PPP1R16A: variants seen among roughly 807,000 people sequenced by gnomAD.
PPP1R16A encodes the protein protein phosphatase 1 regulatory subunit 16A.
Under a neutral mutation model 46.6 loss-of-function variants are expected in PPP1R16A, and 39 were observed. The observed-to-expected ratio is 0.84, with a 90% CI of 0.65 to 1.09. The LOEUF (loss-of-function observed/expected upper bound fraction) is 1.09, where lower values mean the gene tolerates loss of function less well. PPP1R16A is among the 50% of genes least tolerant of loss of function. PPP1R16A has a pLI of 0.00. For synonymous variants in PPP1R16A, 413 were observed against 321.5 expected (o/e 1.28, Z -3.04); for missense variants, 798 against 735.6 (o/e 1.08, Z -0.98).
chr8:144,499,167 G>A (rs1392978901), intron 5 of PPP1R16A, 106 bp downstream of exon 5: 7 of 1,362,736 alleles, frequency 5.1e-6, no homozygotes, highest in Non-Finnish European at 5.8e-6. Context: ...CTGTGTTCCC[G>A]CCTTCACCTT....
chr8:144,497,009 C>A lies in PPP1R16A; in HGVS notation c.-186C>A, dbSNP rs1482306699. ...GCCCTCCCTGCCCCGGCCCATGCCC[C>A]CCAGGGCTGCCTGGGCCTGGTTATT... On this transcript the variant is annotated 5_prime_UTR_variant, in exon 3 of 12. Transcript: ENST00000435887. 7.8e-6 allele frequency: 6 copies of A among 766,998 alleles called. 1 individual carries two copies. Among genetic ancestry groups the A allele is most frequent in the South Asian group, 1.8e-5 (1 of 56,538 alleles). The allele number at this position is 766,998 out of a possible 1,614,324, so 47.5% of individuals were successfully genotyped here. A position where few individuals can be genotyped will look rare whatever the true frequency, so the allele number is the denominator to read the frequency against.
In PPP1R16A at chr8:144,501,564, G is replaced by C. The variant is rs1340833133; in HGVS notation, c.1248G>C (p.Gly416=). The C allele has an allele frequency of 6.3e-7, 1 of 1,591,520 alleles. No homozygotes were observed. Among genetic ancestry groups the C allele is most frequent in the Non-Finnish European group, 8.5e-7 (1 of 1,169,818 alleles). Residue 416 remains glycine, a synonymous_variant, in exon 12 of 12, where the codon GGG becomes GGC. Coordinates refer to ENST00000435887, the MANE Select transcript of PPP1R16A (RefSeq NM_001329443.2). The stretch of plus-strand genomic sequence containing the variant: ...TCAGGCCGCACAATGGCCGAGTAGG[G>C]GGCTCCCCAGTGCGGCATCTATACT... ...EVVRPHNGRV[G]GSPVRHLYSK... is the part of the protein sequence containing the mutation.
rs1046659132 is a variant in PPP1R16A, at chr8:144,493,088, G to A, written c.-735+2876G>A. Among the ~76,000 whole-genome samples the A allele has an allele frequency of 2.0e-4, 31 of 152,122 alleles. No homozygotes were observed. The highest frequency in any genetic ancestry group is 4.6e-4 in the Non-Finnish European group (31 of 67,982). ...CGGGCCTGGAGCTGTCCTCACGGGG[G>A]CTCCTGGGAGCTTGGGCTGGGCCTC... On this transcript the variant is annotated intron_variant, in intron 2 of 11. Coordinates refer to ENST00000435887, the MANE Select transcript of PPP1R16A (RefSeq NM_001329443.2). This position sits in a 1 kb window ranked among gnomAD's most constrained non-coding sequence, Gnocchi z 4.3.
At position 144,502,047 on chromosome 8, in the gene PPP1R16A, A is replaced by G. The variant is rs1025121527; in HGVS notation, c.*144A>G. The G allele has an allele frequency of 1.4e-5, 11 of 762,062 alleles. No homozygotes were observed. The highest frequency in any genetic ancestry group is 1.1e-4 in the East Asian group (4 of 35,026). The allele number at this position is 762,062 out of a possible 1,614,324, so 47.2% of individuals were successfully genotyped here. A position where few individuals can be genotyped will look rare whatever the true frequency, so the allele number is the denominator to read the frequency against. On this transcript the variant is annotated 3_prime_UTR_variant, in exon 12 of 12. Coordinates refer to ENST00000435887, the MANE Select transcript of PPP1R16A (RefSeq NM_001329443.2). Reference sequence around the variant, plus strand: ...ACTGGCCCCTCTCAGGTCAGAAGACATGCCTGGAGGGATGTCTGGCTGCAA... The same window carrying G: ...ACTGGCCCCTCTCAGGTCAGAAGACGTGCCTGGAGGGATGTCTGGCTGCAA...
At chr8:144,495,509 C>T (rs987606951) in intron 2 of PPP1R16A, 2 of 152,284 alleles carry the variant, frequency 1.3e-5, no homozygotes, top group Non-Finnish European at 2.9e-5. Context: ...GATCTTGGCT[C>T]ATTGCAAGCT....
Position 144,497,040 on chromosome 8 carries a change from G to A in PPP1R16A, c.-155G>A. On this transcript the variant is annotated 5_prime_UTR_variant, in exon 3 of 12. Coordinates refer to ENST00000435887, the MANE Select transcript of PPP1R16A (RefSeq NM_001329443.2). ...GCTGCCTGGGCCTGGTTATTGTGTG[G>A]GGCCTCCTGACCCAGCCAAGGGCAC... 1 of 984,824 alleles carries A rather than the reference G, an allele frequency of 1.0e-6. No individual in the cohort carries two copies. The highest frequency in any genetic ancestry group is 1.5e-6 in the Non-Finnish European group (1 of 672,070). The allele number at this position is 984,824 out of a possible 1,614,324, so 61.0% of individuals were successfully genotyped here. A position where few individuals can be genotyped will look rare whatever the true frequency, so the allele number is the denominator to read the frequency against.
At chr8:144,483,826 A>G (rs1825536629) in intron 1 of PPP1R16A, among the ~76,000 whole-genome samples, 1 of 151,972 alleles carries the variant, frequency 6.6e-6, no homozygotes, top group Non-Finnish European at 1.5e-5. Flanking sequence ...TTGGCCTCCC[A>G]TATGTTGGGA....
chr8:144,499,687 C>T (rs1430437512), intron 5 of PPP1R16A: 1 of 219,718 alleles, frequency 4.6e-6, no homozygotes, highest in Non-Finnish European at 9.1e-6. Flanking sequence ...ACACCCCCTT[C>T]TGTGTTCTGG....
intron 2 of PPP1R16A, among the ~76,000 whole-genome samples, chr8:144,495,050 C>T (rs934365799): frequency 3.9e-5 from 6 of 152,142 alleles, no homozygotes; most frequent in African/African-American, 7.2e-5. Flanking sequence ...GCAGGCTGCT[C>T]GGAGGGAGAG....
intron 2 of PPP1R16A, among the ~76,000 whole-genome samples, chr8:144,491,623 T>C (rs1246331320): frequency 6.6e-6 from 1 of 151,650 alleles, no homozygotes; most frequent in African/African-American, 2.4e-5. Context: ...ATTAGCTGGG[T>C]GTGGTGGCAG....
intron 5 of PPP1R16A, chr8:144,499,759 C>T (rs143420207): frequency 3.3e-5 from 10 of 299,464 alleles, no homozygotes; most frequent in Non-Finnish European, 5.7e-5. Context: ...AGCCCCTCAG[C>T]GTGGCTGCCT....
chr8:144,500,943 C>A lies in PPP1R16A; in HGVS notation c.1009C>A (p.Arg337Ser). The A allele has an allele frequency of 6.7e-7, 1 of 1,498,296 alleles. No individual in the cohort carries two copies. 92.8% of individuals were successfully genotyped at this position (1,498,296 alleles called of 1,614,324 possible). ...AQSRQRSLLRRRTSSAGSRGK... is the reference protein window; with the variant it reads ...AQSRQRSLLRSRTSSAGSRGK... Reference sequence around the variant, plus strand: ...GAGCCGCCAGCGCTCCTTGCTGCGCCGCCGCACCTCCAGCGCCGGCAGCCG... The same window carrying A: ...GAGCCGCCAGCGCTCCTTGCTGCGCAGCCGCACCTCCAGCGCCGGCAGCCG... The change falls in exon 10 of 12, where the codon CGC becomes AGC. Residue 337 changes from arginine to serine, a missense_variant. Arg to Ser is a moderately radical substitution (Grantham distance 110, BLOSUM62 -1). Transcript: ENST00000435887.
intron 1 of PPP1R16A, among the ~76,000 whole-genome samples, chr8:144,488,878 T>A (rs1825704894): frequency 6.6e-6 from 1 of 151,500 alleles, no homozygotes; most frequent in African/African-American, 2.4e-5. Context: ...GGGGAGGGTT[T>A]CAGGATGGAG....
rs773214190 is a variant in PPP1R16A at position 144,501,884 on chromosome 8, C to T, written c.1568C>T (p.Pro523Leu). ...PAVEAPVERR[P>L]CCLLM ...GTGGAGGCTCCCGTGGAGAGGAGGCCGTGCTGCCTGCTCATGTGAGGCTGT... is the reference window on the plus strand; with the variant it reads ...GTGGAGGCTCCCGTGGAGAGGAGGCTGTGCTGCCTGCTCATGTGAGGCTGT... Residue 523 changes from proline to leucine, a missense_variant, in exon 12 of 12, where the codon CCG (proline) becomes CTG (leucine). Pro to Leu is a moderately conservative substitution (Grantham distance 98, BLOSUM62 -3). Transcript: ENST00000435887. The T allele has an allele frequency of 1.2e-4, 183 of 1,533,306 alleles. No individual in the cohort carries two copies. The highest frequency in any genetic ancestry group is 2.3e-4 in the Middle Eastern group (1 of 4,370). 95.0% of individuals were successfully genotyped at this position (1,533,306 alleles called of 1,614,324 possible).
chr8:144,491,478 T>C (rs572132182), intron 2 of PPP1R16A, among the ~76,000 whole-genome samples: 2 of 151,560 alleles, frequency 1.3e-5, no homozygotes, highest in African/African-American at 4.8e-5. Flanking sequence ...ATTAGCTGGG[T>C]GTAGGCCGGG....
intron 6 of PPP1R16A, 34 bp downstream of exon 6, chr8:144,500,233 C>G (rs567604388): frequency 1.9e-6 from 3 of 1,579,910 alleles, no homozygotes; most frequent in Non-Finnish European, 2.6e-6. Context: ...GGAGGGCTGC[C>G]GGTCGCGCTC....
intron 10 of PPP1R16A, 42 bp downstream of exon 10, chr8:144,501,013 C>T: frequency 2.1e-6 from 3 of 1,461,510 alleles, no homozygotes; most frequent in Non-Finnish European, 1.8e-6. Flanking sequence ...GGCTTGGCCC[C>T]GCGGACGTCA....
chr8:144,495,162 A>G (rs1035904236), intron 2 of PPP1R16A, among the ~76,000 whole-genome samples: 2 of 152,140 alleles, frequency 1.3e-5, no homozygotes, highest in African/African-American at 4.8e-5. Context: ...CTAGGCCTAC[A>G]GGGGGGGACT....
chr8:144,497,702 G>T (rs1399050444), intron 3 of PPP1R16A: 1 of 637,304 alleles, frequency 1.6e-6, no homozygotes, highest in Non-Finnish European at 2.9e-6. Context: ...CATGCAGAGG[G>T]CTCCTGCTGT....
Sources: allele counts gnomAD v4.1 joint callset (sites outside exome capture counted in the v4.1 genomes callset), GRCh38; gene constraint gnomAD v4.1.1; non-coding constraint Gnocchi (gnomAD v3.1); transcripts MANE v1.5; gene names NCBI Gene and HGNC (gene_info 2026-07-23, HGNC 2026-07-21).